The following BCO1 variants were observed in gnomAD, a reference collection of about 807,000 sequenced individuals.
The protein encoded by BCO1 is beta-carotene oxygenase 1.
A neutral mutation model predicts 56.3 loss-of-function variants in BCO1; 54 were observed. The ratio of observed to expected loss-of-function variants is 0.96; its 90% CI spans 0.77 to 1.20. BCO1 has a LOEUF of 1.20. Ranked by LOEUF, BCO1 falls within the 50% of genes most tolerant of loss-of-function variation. The pLI is 0.00. For synonymous variants in BCO1, 318 were observed against 266.1 expected, an observed-to-expected ratio of 1.20 and a Z score of -1.90; for missense variants, 801 against 690.9, an observed-to-expected ratio of 1.16 and a Z score of -1.79.
intron 7 of BCO1, among the ~76,000 whole-genome samples, chr16:81,274,656 T>A (rs1473216221): frequency 1.3e-5 from 2 of 152,142 alleles, no homozygotes; most frequent in Admixed American, 6.5e-5. Context: ...AGGCAGGTGA[T>A]CACCTGAGGT....
At chr16:81,245,039 C>T (rs1482511605) in intron 1 of BCO1, among the ~76,000 whole-genome samples, 1 of 152,056 alleles carries the variant, frequency 6.6e-6, no homozygotes, top group African/African-American at 2.4e-5. Context: ...TACAGGCGCT[C>T]ACTATGACGC....
intron 8 of BCO1, among the ~76,000 whole-genome samples, chr16:81,285,011 T>C (rs184282887): frequency 1.5e-4 from 23 of 151,908 alleles, no homozygotes; most frequent in African/African-American, 5.1e-4. Context: ...TAATTTTCTT[T>C]GTATTTTTAG....
chr16:81,285,693 C>G, intron 9 of BCO1, 59 bp downstream of exon 9: 1 of 1,281,364 alleles, frequency 7.8e-7, no homozygotes, highest in Non-Finnish European at 1.1e-6. Flanking sequence ...ATATGCAAAG[C>G]TGAATTCTAA....
intron 7 of BCO1, among the ~76,000 whole-genome samples, chr16:81,275,350 G>A (rs1315396801): frequency 5.9e-5 from 9 of 152,338 alleles, no homozygotes; most frequent in Admixed American, 2.0e-4. Flanking sequence ...CGCCCAGACC[G>A]GGGAAGCCCA....
intron 2 of BCO1, among the ~76,000 whole-genome samples, chr16:81,249,760 C>T (rs1311698990): frequency 1.3e-5 from 2 of 152,218 alleles, no homozygotes; most frequent in Admixed American, 6.5e-5. Context: ...AGGAATTACA[C>T]CCAATGATTT....
At position 81,290,434 on chromosome 16, in the gene BCO1, G is replaced by C; in HGVS notation, c.1501G>C (p.Ala501Pro). Residue 501 changes from alanine to proline, a missense_variant, in exon 11 of 11, where the codon GCC (alanine) becomes CCC (proline). Ala to Pro is a conservative substitution (Grantham distance 27). Transcript: ENST00000258168. ...GGATGCCAAAAGCTTTACGGAATTG[G>C]CCCGTGCCTCTGTTGATGTCGATAT... The part of the protein sequence containing the change: ...ILDAKSFTEL[A>P]RASVDVDMHM... 6.2e-7 allele frequency: 1 copy of C among 1,614,152 alleles called. No individual in the cohort carries two copies. Among genetic ancestry groups the C allele is most frequent in the African/African-American group, 1.3e-5 (1 of 75,022 alleles).
chr16:81,254,295 A>ATTTTTTTTTTTTT (rs57961725), intron 2 of BCO1, among the ~76,000 whole-genome samples: 5 of 78,288 alleles, frequency 6.4e-5, no homozygotes, highest in African/African-American at 1.2e-4. Flanking sequence ...CGCCCGGCTA[A>ATTTTTTTTTTTTT]TTTTTTTTTT....
chr16:81,275,797 T>C (rs1295673654), intron 7 of BCO1, among the ~76,000 whole-genome samples: 1 of 152,232 alleles, frequency 6.6e-6, no homozygotes, highest in African/African-American at 2.4e-5. Context: ...TGTCCCAGAT[T>C]CTCTTGCTTT....
chr16:81,245,390 T>C (rs1301164933), intron 1 of BCO1, 85 bp from the exon 2 acceptor site: 2 of 1,602,274 alleles, frequency 1.2e-6, no homozygotes, highest in Admixed American at 3.3e-5. Flanking sequence ...GGACCACAAC[T>C]CTCAAATTCC....
chr16:81,277,723 T>C (rs919829138), intron 7 of BCO1, among the ~76,000 whole-genome samples: 1 of 152,190 alleles, frequency 6.6e-6, no homozygotes, highest in East Asian at 1.9e-4. Context: ...GTGTCGGGAT[T>C]TCAATGTAAG....
In BCO1 at chr16:81,287,403, G is replaced by A. The variant is rs1597377580; in HGVS notation, c.1411G>A (p.Asp471Asn). Residue 471 changes from aspartate (D) to asparagine (N), a missense_variant, in exon 10 of 11, where the codon GAC (aspartate) becomes AAC (asparagine). Coordinates refer to ENST00000258168, the MANE Select transcript of BCO1 (RefSeq NM_017429.3). ...CGCGCCAGGTGCCAAGGATGAGGAT[G>A]ACGGTAAGACTCTAAGAAGCCACGC... ...VPAPGAKDEDDGVILSAIVST... is the reference protein window; with the variant it reads ...VPAPGAKDEDNGVILSAIVST... 10 of 1,613,098 alleles carry A rather than the reference G, an allele frequency of 6.2e-6. No individual in the cohort carries two copies. In the African/African-American group the frequency reaches 8.0e-5, roughly 13 times the overall value.
intron 8 of BCO1, among the ~76,000 whole-genome samples, chr16:81,283,296 C>T (rs1466689910): frequency 6.6e-6 from 1 of 151,716 alleles, no homozygotes. Context: ...AACTACTGGC[C>T]AGGCGCAATG....
intron 2 of BCO1, among the ~76,000 whole-genome samples, chr16:81,249,335 C>T (rs1905638975): frequency 2.0e-5 from 3 of 152,000 alleles, no homozygotes; most frequent in African/African-American, 7.2e-5. Flanking sequence ...CGGCTCATTG[C>T]AAACTCCACC....
chr16:81,247,312 T>C (rs1567698652), intron 2 of BCO1, among the ~76,000 whole-genome samples: 2 of 152,078 alleles, frequency 1.3e-5, no homozygotes, highest in Non-Finnish European at 2.9e-5. Context: ...TTGGGATCAT[T>C]GGAAGTATTG....
chr16:81,261,145 T>C (rs1439917167), intron 3 of BCO1, among the ~76,000 whole-genome samples: 2 of 152,116 alleles, frequency 1.3e-5, no homozygotes, highest in Admixed American at 1.3e-4. Flanking sequence ...AAAACCACCA[T>C]ACTTACCTGG....
intron 1 of BCO1, among the ~76,000 whole-genome samples, chr16:81,242,743 G>A (rs1393059121): frequency 1.3e-5 from 2 of 151,998 alleles, no homozygotes; most frequent in Non-Finnish European, 2.9e-5. Context: ...AGGGGTCCCC[G>A]ACCCTCGAGC....
At chr16:81,276,419 C>T (rs1322698789) in intron 7 of BCO1, among the ~76,000 whole-genome samples, 1 of 152,214 alleles carries the variant, frequency 6.6e-6, no homozygotes, top group East Asian at 1.9e-4. Context: ...TTCCAATACC[C>T]GTCTTCCTAA....
At position 81,287,299 on chromosome 16, in the gene BCO1, TA is replaced by T. The variant is rs1291776556; in HGVS notation, c.1311del (p.Lys437AsnfsTer10). 1.2e-6 allele frequency: 2 copies of T among 1,610,928 alleles called. No individual in the cohort carries two copies. Among genetic ancestry groups the T allele is most frequent in the African/African-American group, 1.3e-5 (1 of 74,858 alleles). ...VQWSPIPTKIIKYDILTKSSL... is the reference protein window; with the variant it reads ...VQWSPIPTKIXKYDILTKSSL... Reference sequence around the variant, plus strand: ...TTTTCCTCGTTGGATGTACAGATAATAAAATATGACATTCTCACAAAGTCAT... The same window carrying T: ...TTTTCCTCGTTGGATGTACAGATAATAAATATGACATTCTCACAAAGTCAT... On this transcript the variant is annotated frameshift_variant, in exon 10 of 11. Transcript: ENST00000258168. LOFTEE classifies it high-confidence loss of function.
intron 2 of BCO1, among the ~76,000 whole-genome samples, chr16:81,254,651 C>G (rs560305791): frequency 3.3e-5 from 5 of 152,064 alleles, no homozygotes; most frequent in African/African-American, 1.2e-4. Flanking sequence ...AATGTACATT[C>G]AAATCCTTTG....
Sources: gnomAD v4.1 joint callset for allele counts (sites outside exome capture counted in the v4.1 genomes callset) on GRCh38, gnomAD v4.1.1 for gene constraint, MANE v1.5 for transcripts, NCBI Gene and HGNC (gene_info 2026-07-23, HGNC 2026-07-21) for gene names.